MAGI3: variants seen among roughly 807,000 people sequenced by gnomAD.
MAGI3 encodes the protein membrane-associated guanylate kinase, WW and PDZ domain-containing protein 3.
MAGI3 carries 43 observed loss-of-function variants against 121.8 expected under a neutral mutation model. The observed-to-expected ratio is 0.35, with a 90% confidence interval of 0.28 to 0.46. The LOEUF (loss-of-function observed/expected upper bound fraction) is 0.46. Among genes scored for constraint, MAGI3 ranks in the 20% least tolerant of loss-of-function variants. The probability of loss-of-function intolerance (pLI) is 1.00; values close to 1 mark genes in which losing one functional copy is unlikely to be tolerated. For synonymous variants in MAGI3, 553 were observed against 639.3 expected, an observed-to-expected ratio of 0.86 and a Z score of 2.04; for missense variants, 1,547 against 1,797.3, an observed-to-expected ratio of 0.86 and a Z score of 2.52.
Position 113,561,629 on chromosome 1 carries a change from C to A in MAGI3, c.433+11998C>A, listed in dbSNP as rs148485564. 1.6e-3 allele frequency among the ~76,000 whole-genome samples: 241 copies of A among 152,180 alleles called. 2 individuals carry two copies. The East Asian group carries it at 0.016, about 10-fold the overall frequency. The stretch of plus-strand genomic sequence containing the variant: ...AAACATATCTCAAAATAATAAGAGC[C>A]ATTTATGACAGACCCACAGCCAATA... On this transcript the variant is annotated intron_variant, in intron 2 of 20. Transcript: ENST00000307546.
chr1:113,544,332 G>A (rs1659432043), intron 1 of MAGI3, among the ~76,000 whole-genome samples: 1 of 152,176 alleles, frequency 6.6e-6, no homozygotes, highest in South Asian at 2.1e-4. Flanking sequence ...TGTTGATGTG[G>A]TTGTATTGAA....
rs185362545 is a variant in MAGI3 at position 113,425,444 on chromosome 1, G to A, written c.316+34095G>A. Among the ~76,000 whole-genome samples, 19 of 151,378 alleles carry A rather than the reference G, an allele frequency of 1.3e-4. No individual in the cohort carries two copies. In the East Asian group the frequency reaches 1.4e-3, roughly 11 times the overall value. On this transcript the variant is annotated intron_variant, in intron 1 of 20. Coordinates refer to ENST00000307546, the MANE Select transcript of MAGI3 (RefSeq NM_001142782.2). ...ACTACAGGCGCCCGCCACCACGCCC[G>A]GCTAATTTTTTTGTATTTTTCAGTA...
intron 1 of MAGI3, among the ~76,000 whole-genome samples, chr1:113,538,676 GAT>G (rs1659116769): frequency 6.6e-6 from 1 of 152,268 alleles, no homozygotes; most frequent in Admixed American, 6.5e-5. Flanking sequence ...TGCCCTTCCT[GAT>G]ATATGACCTT....
At chr1:113,461,601 A>C (rs2101517746) in intron 1 of MAGI3, among the ~76,000 whole-genome samples, 1 of 152,084 alleles carries the variant, frequency 6.6e-6, no homozygotes, top group South Asian at 2.1e-4. Context: ...TTAAATGTAA[A>C]ATTCAAAACT....
chr1:113,526,007 AC>A (rs1250217216), intron 1 of MAGI3, among the ~76,000 whole-genome samples: 2 of 152,202 alleles, frequency 1.3e-5, no homozygotes, highest in Non-Finnish European at 2.9e-5. Context: ...TCTCAAAAAA[AC>A]AAAACAAAAC....
chr1:113,648,707 T>G (rs79667495), intron 12 of MAGI3, among the ~76,000 whole-genome samples: 15,730 of 152,138 alleles, frequency 0.1, 1,041 homozygotes, highest in East Asian at 0.19. Context: ...AAATGTTAGC[T>G]CTTAATTATT....
intron 2 of MAGI3, among the ~76,000 whole-genome samples, chr1:113,578,487 A>G (rs1316500960): frequency 6.6e-6 from 1 of 152,056 alleles, no homozygotes; most frequent in Middle Eastern, 3.4e-3. Context: ...ATGATAACCC[A>G]CTGCATCACT....
intron 2 of MAGI3, among the ~76,000 whole-genome samples, chr1:113,570,789 T>C (rs1647250650): frequency 6.6e-6 from 1 of 152,228 alleles, no homozygotes; most frequent in Admixed American, 6.5e-5. Context: ...ATTCTGGATA[T>C]CATACCTTTG....
chr1:113,416,446 A>ATTAAT lies in MAGI3; in HGVS notation c.316+25099_316+25100insAATTT, dbSNP rs1652434860. Among the ~76,000 whole-genome samples the ATTAAT allele has an allele frequency of 8.0e-3, 3 of 374 alleles. 1 individual carries two copies. The East Asian group carries it at 0.17, about 21-fold the overall frequency. The allele number at this position is 374 out of a possible 152,430, so 0.2% of individuals were successfully genotyped here. The stretch of plus-strand genomic sequence containing the variant: ...TAATAATATATATTAATTATATATG[A>ATTAAT]TTTATATATTAATTATATATAATTT... On this transcript the variant is annotated intron_variant, in intron 1 of 20. Transcript: ENST00000307546.
intron 16 of MAGI3, among the ~76,000 whole-genome samples, chr1:113,668,269 A>T (rs1189242069): frequency 6.6e-6 from 1 of 152,230 alleles, no homozygotes; most frequent in Non-Finnish European, 1.5e-5. Flanking sequence ...TACTAAAATA[A>T]GGCATACCTA....
At chr1:113,405,659 C>A (rs940479637) in intron 1 of MAGI3, among the ~76,000 whole-genome samples, 1 of 152,090 alleles carries the variant, frequency 6.6e-6, no homozygotes, top group Non-Finnish European at 1.5e-5. Context: ...CTCCTGCCTA[C>A]GCCTTTAGTA....
chr1:113,437,723 CTTCT>C (rs138002937), intron 1 of MAGI3, among the ~76,000 whole-genome samples: 9,464 of 151,410 alleles, frequency 0.063, 316 homozygotes, highest in Non-Finnish European at 0.074. Context: ...CCTCCTTCTC[CTTCT>C]TTCTTCTTCC....
chr1:113,395,959 C>G (rs1293124945), intron 1 of MAGI3, among the ~76,000 whole-genome samples: 3 of 151,962 alleles, frequency 2.0e-5, no homozygotes, highest in Non-Finnish European at 4.4e-5. Flanking sequence ...GTTCCTGGGA[C>G]GTATACATTA....
At chr1:113,489,429 A>T (rs1432636391) in intron 1 of MAGI3, among the ~76,000 whole-genome samples, 2 of 152,224 alleles carry the variant, frequency 1.3e-5, no homozygotes, top group Non-Finnish European at 2.9e-5. Flanking sequence ...GGATAAGCCC[A>T]CAAAGATGAG....
At chr1:113,618,784 G>A (rs1017234835) in intron 7 of MAGI3, among the ~76,000 whole-genome samples, 20 of 152,184 alleles carry the variant, frequency 1.3e-4, no homozygotes, top group Admixed American at 1.3e-4. Flanking sequence ...GATTCCAGGC[G>A]TGAGCCACTG....
chr1:113,645,594 C>T (rs1652789556), intron 11 of MAGI3, among the ~76,000 whole-genome samples: 1 of 152,138 alleles, frequency 6.6e-6, no homozygotes, highest in South Asian at 2.1e-4. Context: ...TAGGAGACTA[C>T]TGTTAGCTTC....
chr1:113,679,430 C>G (rs1648081211), intron 19 of MAGI3, among the ~76,000 whole-genome samples: 1 of 152,138 alleles, frequency 6.6e-6, no homozygotes, highest in Non-Finnish European at 1.5e-5. Flanking sequence ...TGTAAGGGGA[C>G]ATGATTTCGC....
At chr1:113,441,965 T>C (rs1653938662) in intron 1 of MAGI3, among the ~76,000 whole-genome samples, 1 of 152,226 alleles carries the variant, frequency 6.6e-6, no homozygotes, top group South Asian at 2.1e-4. Context: ...CATGATTTCA[T>C]TCTTTGGCTT....
intron 2 of MAGI3, 130 bp from the exon 3 acceptor site, chr1:113,580,412 T>A (rs984270068): frequency 1.8e-4 from 126 of 699,998 alleles, no homozygotes; most frequent in Middle Eastern, 4.2e-4. Flanking sequence ...GAATTTTACC[T>A]TAATAAAGTT....
Sources: allele counts gnomAD v4.1 joint callset (sites outside exome capture counted in the v4.1 genomes callset), GRCh38; gene constraint gnomAD v4.1.1; transcripts MANE v1.5; gene names NCBI Gene and HGNC (gene_info 2026-07-23, HGNC 2026-07-21).